The following CSMD1 variants were observed in gnomAD, a reference collection of about 807,000 sequenced individuals.
CSMD1 encodes the protein CUB and Sushi multiple domains 1.
A neutral mutation model predicts 417.5 loss-of-function variants in CSMD1; 213 were observed. That is an observed-to-expected ratio of 0.51 (90% CI 0.46 to 0.57). The LOEUF (loss-of-function observed/expected upper bound fraction) is 0.57, where lower values mean the gene tolerates loss of function less well. CSMD1 is among the 20% of genes least tolerant of loss of function. CSMD1 has a pLI of 0.00. For missense variants in CSMD1, 6,923 were observed against 4,529.7 expected (o/e 1.53, Z -15.17); for synonymous variants, 2,862 against 1,736.8 (o/e 1.65, Z -16.11).
chr8:3,850,137 C>T (rs569893498), intron 5 of CSMD1, among the ~76,000 whole-genome samples: 1 of 152,226 alleles, frequency 6.6e-6, no homozygotes, highest in South Asian at 2.1e-4. Flanking sequence ...TGTCGCCATT[C>T]TTAGGGCATA....
At chr8:3,926,014 T>TATACACAC (rs1554488540) in intron 5 of CSMD1, among the ~76,000 whole-genome samples, 1 of 123,390 alleles carries the variant, frequency 8.1e-6, no homozygotes, top group Non-Finnish European at 1.7e-5. Flanking sequence ...TATTTGTCTA[T>TATACACAC]ACACACACAC....
chr8:4,335,825 G>C (rs890316695), intron 3 of CSMD1, among the ~76,000 whole-genome samples: 5 of 152,032 alleles, frequency 3.3e-5, no homozygotes, highest in African/African-American at 1.2e-4. Flanking sequence ...ACATTACTCA[G>C]CCCAGGGGTT....
chr8:3,422,878 T>G (rs1417257588), intron 12 of CSMD1, among the ~76,000 whole-genome samples: 1 of 152,142 alleles, frequency 6.6e-6, no homozygotes, highest in Non-Finnish European at 1.5e-5. Context: ...ATGAATTCTG[T>G]GTCCTCCAGA....
chr8:3,941,938 C>G (rs1810912847), intron 5 of CSMD1, among the ~76,000 whole-genome samples: 1 of 152,130 alleles, frequency 6.6e-6, no homozygotes, highest in African/African-American at 2.4e-5. Context: ...GGCCAGCTAG[C>G]AAATCCTCCT....
intron 49 of CSMD1, among the ~76,000 whole-genome samples, chr8:3,059,971 G>C (rs1377939395): frequency 6.6e-6 from 1 of 152,096 alleles, no homozygotes; most frequent in Non-Finnish European, 1.5e-5. Context: ...CAATTAGGCA[G>C]TGGGTATTAG....
chr8:3,355,742 A>T (rs763808799), intron 21 of CSMD1, among the ~76,000 whole-genome samples: 24 of 152,206 alleles, frequency 1.6e-4, no homozygotes, highest in Admixed American at 5.9e-4. Context: ...CCTCACCTGA[A>T]GATGTCCCTA....
intron 10 of CSMD1, among the ~76,000 whole-genome samples, chr8:3,538,769 T>C (rs1371845269): frequency 6.6e-6 from 1 of 152,216 alleles, no homozygotes; most frequent in African/African-American, 2.4e-5. Flanking sequence ...ACATGTATCC[T>C]ACTCGGGAAG....
chr8:4,325,415 C>G (rs1026660109), intron 3 of CSMD1, among the ~76,000 whole-genome samples: 3 of 152,142 alleles, frequency 2.0e-5, no homozygotes, highest in Non-Finnish European at 2.9e-5. Flanking sequence ...TTAGAAGGAA[C>G]TCTACAGAAG....
intron 3 of CSMD1, among the ~76,000 whole-genome samples, chr8:4,309,023 T>G (rs1190724925): frequency 6.6e-6 from 1 of 152,166 alleles, no homozygotes; most frequent in Admixed American, 6.6e-5. Flanking sequence ...TAACAGCAAA[T>G]GATTATTGAT....
intron 10 of CSMD1, among the ~76,000 whole-genome samples, chr8:3,561,749 G>A (rs371912195): frequency 5.4e-4 from 82 of 152,006 alleles, no homozygotes; most frequent in African/African-American, 1.9e-3. Context: ...GACAAAACTG[G>A]ACATATACCC....
intron 7 of CSMD1, among the ~76,000 whole-genome samples, chr8:3,680,324 A>C (rs1466110567): frequency 6.6e-6 from 1 of 152,220 alleles, no homozygotes; most frequent in East Asian, 1.9e-4. Context: ...AGAAGAATCA[A>C]ATAGACGCAA....
At chr8:3,552,259 C>G (rs563474148) in intron 10 of CSMD1, among the ~76,000 whole-genome samples, 5 of 152,046 alleles carry the variant, frequency 3.3e-5, no homozygotes, top group African/African-American at 1.2e-4. Context: ...TGTATCGACA[C>G]AGAAAGCTTG....
At chr8:3,796,635 T>A (rs905391903) in intron 5 of CSMD1, among the ~76,000 whole-genome samples, 3 of 149,172 alleles carry the variant, frequency 2.0e-5, no homozygotes, top group Admixed American at 6.8e-5. Context: ...TATCTTCTAA[T>A]GTATAGATAT....
At chr8:3,815,384 G>A (rs1445468882) in intron 5 of CSMD1, among the ~76,000 whole-genome samples, 1 of 152,086 alleles carries the variant, frequency 6.6e-6, no homozygotes, top group Non-Finnish European at 1.5e-5. Flanking sequence ...ACTTACAGAT[G>A]AAATTAAATC....
chr8:4,752,032 G>T (rs999088464), intron 1 of CSMD1, among the ~76,000 whole-genome samples: 1 of 152,014 alleles, frequency 6.6e-6, no homozygotes, highest in Non-Finnish European at 1.5e-5. Flanking sequence ...CATTAAATAT[G>T]TATATGCAAA....
chr8:4,637,643 A>ATTTTTTT, intron 1 of CSMD1, 85 bp from the exon 2 acceptor site: 1 of 381,430 alleles, frequency 2.6e-6, no homozygotes, highest in South Asian at 3.7e-5. Flanking sequence ...CACTTTAGCC[A>ATTTTTTT]ATTTTTTTTT....
At chr8:4,849,650 T>A (rs930086609) in intron 1 of CSMD1, among the ~76,000 whole-genome samples, 4 of 152,182 alleles carry the variant, frequency 2.6e-5, no homozygotes, top group African/African-American at 9.7e-5. Flanking sequence ...ATACTTGATA[T>A]TGTATTATAG....
rs1438676086 is a variant in CSMD1, at chr8:4,293,900, G to T, written c.415+126053C>A. ...GACCAGATTTAAGGTTTGATAGAGG[G>T]ATGTCCTATTAGTGTCTACTGTAGA... On this transcript the variant is annotated intron_variant, in intron 3 of 69. Transcript: ENST00000635120. 2.6e-5 allele frequency among the ~76,000 whole-genome samples: 4 copies of T among 151,858 alleles called. No individual in the cohort carries two copies. In the South Asian group the frequency reaches 8.3e-4, roughly 31 times the overall value.
chr8:4,297,791 G>A (rs1380659264), intron 3 of CSMD1, among the ~76,000 whole-genome samples: 1 of 151,998 alleles, frequency 6.6e-6, no homozygotes, highest in Non-Finnish European at 1.5e-5. Context: ...CATTTCAAAA[G>A]GATTTTCAGT....
Sources: allele counts gnomAD v4.1 joint callset (sites outside exome capture counted in the v4.1 genomes callset), GRCh38; gene constraint gnomAD v4.1.1; transcripts MANE v1.5; gene names NCBI Gene and HGNC (gene_info 2026-07-23, HGNC 2026-07-21).